MAGI2: variants seen among roughly 807,000 people sequenced by gnomAD.
MAGI2 encodes membrane associated guanylate kinase, WW and PDZ domain containing 2, also known as membrane-associated guanylate kinase, WW and PDZ domain-containing protein 2.
Under a neutral mutation model 133.3 loss-of-function variants are expected in MAGI2, and 35 were observed. That is an observed-to-expected ratio of 0.26 (90% CI 0.20 to 0.35). The LOEUF is 0.35. MAGI2 is among the 10% of genes least tolerant of loss of function. The pLI is 1.00. For missense variants in MAGI2, 1,636 were observed against 1,863.4 expected (o/e 0.88, Z 2.25); for synonymous variants, 729 against 710.6 (o/e 1.03, Z -0.41).
intron 1 of MAGI2, among the ~76,000 whole-genome samples, chr7:79,073,077 T>G (rs1038302228): frequency 2.6e-5 from 4 of 151,976 alleles, no homozygotes; most frequent in Non-Finnish European, 1.5e-5. Flanking sequence ...CTAAGAGAGA[T>G]GCTGTATAAA....
rs182104135 is a variant in MAGI2 at position 78,894,332 on chromosome 7, G to A, written c.418+112758C>T. 1.4e-4 allele frequency among the ~76,000 whole-genome samples: 21 copies of A among 152,302 alleles called. No homozygotes were observed. In the East Asian group the frequency reaches 3.7e-3, roughly 27 times the overall value. On this transcript the variant is annotated intron_variant, in intron 2 of 21. Coordinates refer to ENST00000354212, the MANE Select transcript of MAGI2 (RefSeq NM_012301.4). ...CAGGAGAATGGCGTGAACCCGGGTG[G>A]CAGAGCTTGCAGTGAGCGGAGATCG...
intron 1 of MAGI2, among the ~76,000 whole-genome samples, chr7:79,202,567 TA>T (rs1828707134): frequency 6.7e-6 from 1 of 150,366 alleles, no homozygotes; most frequent in South Asian, 2.1e-4. Context: ...TAAAGACACA[TA>T]CTATATTGTG....
chr7:78,499,667 T>C (rs775709203), intron 5 of MAGI2, among the ~76,000 whole-genome samples: 1 of 152,240 alleles, frequency 6.6e-6, no homozygotes, highest in Non-Finnish European at 1.5e-5. Context: ...TTTTTATTAT[T>C]GCATTATTGG....
chr7:78,707,267 A>C (rs193138407), intron 2 of MAGI2, among the ~76,000 whole-genome samples: 1 of 152,322 alleles, frequency 6.6e-6, no homozygotes, highest in African/African-American at 2.4e-5. Context: ...GATGGCAGAT[A>C]GTTTTTAAAA....
At chr7:79,399,961 C>T (rs576347911) in intron 1 of MAGI2, among the ~76,000 whole-genome samples, 6 of 152,128 alleles carry the variant, frequency 3.9e-5, no homozygotes, top group Non-Finnish European at 8.8e-5. Flanking sequence ...ATATTTTAGT[C>T]GCATATATTT....
intron 3 of MAGI2, among the ~76,000 whole-genome samples, chr7:78,535,063 C>T (rs1170140382): frequency 3.3e-5 from 5 of 151,932 alleles, no homozygotes; most frequent in Non-Finnish European, 7.4e-5. Context: ...ACCCAGGAGG[C>T]GGAGGTTGCA....
chr7:79,183,339 A>G (rs1025212556), intron 1 of MAGI2, among the ~76,000 whole-genome samples: 2 of 151,910 alleles, frequency 1.3e-5, no homozygotes, highest in Non-Finnish European at 2.9e-5. Context: ...AATATAAAAA[A>G]TACATTTAAA....
At chr7:79,336,036 CCAAAT>C (rs1180317626) in intron 1 of MAGI2, among the ~76,000 whole-genome samples, 1 of 151,986 alleles carries the variant, frequency 6.6e-6, no homozygotes, top group African/African-American at 2.4e-5. Context: ...TAATGAGTCT[CCAAAT>C]CATTTAACCA....
chr7:79,015,390 A>C (rs904696435), intron 1 of MAGI2, among the ~76,000 whole-genome samples: 13 of 152,326 alleles, frequency 8.5e-5, no homozygotes, highest in African/African-American at 3.1e-4. Context: ...ATGATCTGGT[A>C]CAATACATGG....
intron 9 of MAGI2, among the ~76,000 whole-genome samples, chr7:78,288,271 A>G (rs896654938): frequency 1.3e-5 from 2 of 152,228 alleles, no homozygotes; most frequent in Non-Finnish European, 2.9e-5. Flanking sequence ...AATAAGCTAC[A>G]TGAAAAATAA....
At chr7:79,289,437 G>T (rs954845927) in intron 1 of MAGI2, among the ~76,000 whole-genome samples, 1 of 152,108 alleles carries the variant, frequency 6.6e-6, no homozygotes, top group African/African-American at 2.4e-5. Flanking sequence ...TGAGGGCAAG[G>T]TCATGAGATT....
chr7:79,395,422 C>T (rs1844974370), intron 1 of MAGI2, among the ~76,000 whole-genome samples: 1 of 152,086 alleles, frequency 6.6e-6, no homozygotes. Context: ...AGGCAGGTTC[C>T]TGAACATGGG....
chr7:78,769,674 T>C (rs1225048509), intron 2 of MAGI2, among the ~76,000 whole-genome samples: 1 of 152,136 alleles, frequency 6.6e-6, no homozygotes, highest in Admixed American at 6.5e-5. Flanking sequence ...TTTCACTAGG[T>C]TCACAAGAAA....
chr7:78,845,036 C>T (rs987559168), intron 2 of MAGI2, among the ~76,000 whole-genome samples: 1 of 151,840 alleles, frequency 6.6e-6, no homozygotes, highest in Admixed American at 6.6e-5. Context: ...ACCAAAGGAG[C>T]TTGGTAGATT....
At chr7:78,339,834 G>C (rs1790167048) in intron 9 of MAGI2, among the ~76,000 whole-genome samples, 1 of 152,098 alleles carries the variant, frequency 6.6e-6, no homozygotes, top group African/African-American at 2.4e-5. Flanking sequence ...TTGGAAACGT[G>C]GTGAGTTAGT....
chr7:78,981,057 C>A (rs924484877), intron 2 of MAGI2, among the ~76,000 whole-genome samples: 1 of 151,470 alleles, frequency 6.6e-6, no homozygotes, highest in African/African-American at 2.4e-5. Flanking sequence ...CTCTTATTGC[C>A]TTTAAGAATT....
intron 1 of MAGI2, among the ~76,000 whole-genome samples, chr7:79,341,872 C>T (rs961639330): frequency 2.0e-5 from 3 of 152,148 alleles, no homozygotes; most frequent in African/African-American, 2.4e-5. Flanking sequence ...CTTCTGGGTA[C>T]CCTACATTAT....
intron 1 of MAGI2, among the ~76,000 whole-genome samples, chr7:79,059,304 A>G (rs548976867): frequency 4.6e-5 from 7 of 152,066 alleles, no homozygotes; most frequent in Non-Finnish European, 1.0e-4. Context: ...TGTCTGTCCA[A>G]AATTGTATTC....
chr7:78,936,918 A>T (rs1262643862), intron 2 of MAGI2, among the ~76,000 whole-genome samples: 2 of 152,070 alleles, frequency 1.3e-5, no homozygotes, highest in African/African-American at 4.8e-5. Context: ...GAGTATACAT[A>T]CATCTATTTT....
Sources: gnomAD v4.1 joint callset for allele counts (sites outside exome capture counted in the v4.1 genomes callset) on GRCh38, gnomAD v4.1.1 for gene constraint, MANE v1.5 for transcripts, NCBI Gene and HGNC (gene_info 2026-07-23, HGNC 2026-07-21) for gene names.